The following CILK1 variants were observed in gnomAD, a reference collection of about 807,000 sequenced individuals.
CILK1 encodes ciliogenesis associated kinase 1, also known as serine/threonine-protein kinase ICK.
A neutral mutation model predicts 79.2 loss-of-function variants in CILK1; 47 were observed. The ratio of observed to expected loss-of-function variants is 0.59; its 90% CI spans 0.47 to 0.76. The LOEUF (loss-of-function observed/expected upper bound fraction) is 0.76, where lower values mean the gene tolerates loss of function less well. Among genes scored for constraint, CILK1 ranks in the 30% least tolerant of loss-of-function variants. The pLI is 0.00. For missense variants in CILK1, 660 were observed against 769.5 expected, an observed-to-expected ratio of 0.86 and a Z score of 1.68; for synonymous variants, 266 against 275.9, an observed-to-expected ratio of 0.96 and a Z score of 0.36.
chr6:53,049,345 G>C (rs1767321462), intron 1 of CILK1, among the ~76,000 whole-genome samples: 1 of 152,232 alleles, frequency 6.6e-6, no homozygotes, highest in African/African-American at 2.4e-5. Context: ...TTTGAAGACT[G>C]AAAGAGGTGT....
At chr6:53,028,337 A>T (rs920317709) in intron 5 of CILK1, among the ~76,000 whole-genome samples, 1 of 152,034 alleles carries the variant, frequency 6.6e-6, no homozygotes, top group Non-Finnish European at 1.5e-5. Flanking sequence ...ACTTACAATG[A>T]TTATTATTTT....
At chr6:53,027,251 T>C (rs1765635949) in intron 5 of CILK1, among the ~76,000 whole-genome samples, 2 of 152,254 alleles carry the variant, frequency 1.3e-5, no homozygotes, top group Non-Finnish European at 2.9e-5. Flanking sequence ...GTGCAAAACA[T>C]TGTCCTTCAG....
chr6:53,052,218 C>G (rs1362172196), intron 1 of CILK1, among the ~76,000 whole-genome samples: 1 of 152,138 alleles, frequency 6.6e-6, no homozygotes, highest in Admixed American at 6.5e-5. Context: ...CATGTCCCTG[C>G]AAAGGACATG....
chr6:53,024,423 G>A (rs1765440330), intron 5 of CILK1, among the ~76,000 whole-genome samples: 8 of 152,162 alleles, frequency 5.3e-5, no homozygotes, highest in Admixed American at 5.2e-4. Context: ...CACCACAGTG[G>A]GTGACATCTC....
Position 53,001,560 on chromosome 6 carries a change from T to C in CILK1, c.*3589A>G, listed in dbSNP as rs1763946391. The C allele has an allele frequency of 6.6e-6, 1 of 152,648 alleles. No individual in the cohort carries two copies. The highest frequency in any genetic ancestry group is 1.9e-4 in the East Asian group (1 of 5,200). The allele number at this position is 152,648 out of a possible 1,614,324, so 9.5% of individuals were successfully genotyped here. ...CTGAGTTATCTGAGATCAGAAGACT[T>C]GATGCAGGTCATTTAAAATTCACAT... On this transcript the variant is annotated 3_prime_UTR_variant, in exon 14 of 14. Transcript: ENST00000676107.
chr6:53,013,027 G>A (rs929404787), intron 9 of CILK1, among the ~76,000 whole-genome samples: 1 of 152,122 alleles, frequency 6.6e-6, no homozygotes, highest in African/African-American at 2.4e-5. Flanking sequence ...GCAGTAATGT[G>A]GATAACAATC....
chr6:53,046,936 A>C (rs370223604), intron 1 of CILK1, among the ~76,000 whole-genome samples: 25 of 152,244 alleles, frequency 1.6e-4, no homozygotes, highest in African/African-American at 6.0e-4. Context: ...TTACACAGAA[A>C]AGGAGAGAAA....
intron 3 of CILK1, among the ~76,000 whole-genome samples, chr6:53,035,956 G>T (rs900133357): frequency 6.6e-6 from 1 of 151,890 alleles, no homozygotes; most frequent in African/African-American, 2.4e-5. Context: ...CCCAACAAGC[G>T]CGTGGGTGTG....
In CILK1 at chr6:53,019,275, C is replaced by T. The variant is rs778947062; in HGVS notation, c.443G>A (p.Arg148Gln). 4 of 1,614,016 alleles carry T rather than the reference C, an allele frequency of 2.5e-6. No individual in the cohort carries two copies. The highest frequency in any genetic ancestry group is 1.7e-5 in the Admixed American group (1 of 60,006). The change falls in exon 6 of 14, where the codon CGA becomes CAA. Residue 148 changes from arginine (R) to glutamine (Q), a missense_variant. By Grantham distance (43) the Arg-to-Gln change is conservative. Coordinates refer to ENST00000676107, the MANE Select transcript of CILK1 (RefSeq NM_014920.5). ...LVKIADFGLA[R>Q]EIRSKPPYTD... is the part of the protein sequence containing the mutation. ...ATATGGAGGTTTTGATCGTATTTCT[C>T]GGGCCAAACCAAAGTCTGCAATTTT... is the stretch of plus-strand genomic sequence containing the variant.
At chr6:53,010,461 C>T (rs34992722) in intron 11 of CILK1, among the ~76,000 whole-genome samples, 10,900 of 152,316 alleles carry the variant, frequency 0.072, 478 homozygotes, top group Non-Finnish European at 0.093. Flanking sequence ...GATACAACCA[C>T]ATCACTCCTT....
At chr6:53,017,561 A>G (rs868859658) in intron 7 of CILK1, among the ~76,000 whole-genome samples, 2 of 152,354 alleles carry the variant, frequency 1.3e-5, no homozygotes, top group African/African-American at 4.8e-5. Flanking sequence ...CAATACTTTT[A>G]TGAGGGGAAG....
intron 5 of CILK1, among the ~76,000 whole-genome samples, chr6:53,023,408 C>A (rs1206238860): frequency 6.6e-6 from 1 of 152,088 alleles, no homozygotes; most frequent in Admixed American, 6.5e-5. Context: ...AACACATCTA[C>A]CTGAGCCAAG....
chr6:53,050,146 A>G (rs1472866127), intron 1 of CILK1, among the ~76,000 whole-genome samples: 2 of 152,198 alleles, frequency 1.3e-5, no homozygotes, highest in Non-Finnish European at 2.9e-5. Context: ...TCAGTGCTTC[A>G]AAGAAAGAAG....
intron 5 of CILK1, among the ~76,000 whole-genome samples, chr6:53,028,418 T>C (rs886624945): frequency 1.6e-4 from 25 of 152,230 alleles, no homozygotes; most frequent in Admixed American, 1.6e-3. Flanking sequence ...CAAACAGGCA[T>C]AGGCTATCTG....
intron 1 of CILK1, among the ~76,000 whole-genome samples, chr6:53,049,910 G>A (rs552709785): frequency 1.3e-5 from 2 of 152,010 alleles, no homozygotes; most frequent in African/African-American, 2.4e-5. Flanking sequence ...TCGTAGAGAC[G>A]GGGTCTTGCT....
chr6:53,035,036 C>T (rs1460984234), intron 3 of CILK1, among the ~76,000 whole-genome samples: 1 of 152,136 alleles, frequency 6.6e-6, no homozygotes, highest in Non-Finnish European at 1.5e-5. Flanking sequence ...AAGACTTTGG[C>T]TGGAGAAGTG....
At chr6:53,050,444 T>C (rs1336967393) in intron 1 of CILK1, among the ~76,000 whole-genome samples, 1 of 151,612 alleles carries the variant, frequency 6.6e-6, no homozygotes, top group Non-Finnish European at 1.5e-5. Context: ...TGTATATATA[T>C]ATACACATTT....
intron 1 of CILK1, among the ~76,000 whole-genome samples, chr6:53,047,352 G>A (rs1767150164): frequency 6.6e-6 from 1 of 151,868 alleles, no homozygotes; most frequent in South Asian, 2.1e-4. Context: ...CACCCAGGCT[G>A]GAGTACAGTG....
chr6:53,050,678 G>A (rs1360436467), intron 1 of CILK1, among the ~76,000 whole-genome samples: 1 of 151,542 alleles, frequency 6.6e-6, no homozygotes, highest in African/African-American at 2.4e-5. Context: ...ACAAAAATTA[G>A]CTGGGCTTGG....
Sources: gnomAD v4.1 joint callset for allele counts (sites outside exome capture counted in the v4.1 genomes callset) on GRCh38, gnomAD v4.1.1 for gene constraint, MANE v1.5 for transcripts, NCBI Gene and HGNC (gene_info 2026-07-23, HGNC 2026-07-21) for gene names.